The following JADE1 variants were observed in gnomAD, a reference collection of about 807,000 sequenced individuals.
The protein encoded by JADE1 is jade family PHD finger 1.
Under a neutral mutation model 81.8 loss-of-function variants are expected in JADE1, and 14 were observed. The observed-to-expected ratio is 0.17, with a 90% CI of 0.11 to 0.27. The LOEUF (loss-of-function observed/expected upper bound fraction) is 0.27, where lower values mean the gene tolerates loss of function less well. JADE1 is among the 10% of genes least tolerant of loss of function. JADE1 has a pLI of 1.00. For synonymous variants in JADE1, 353 were observed against 391.9 expected, an observed-to-expected ratio of 0.90 and a Z score of 1.17; for missense variants, 690 against 1,047.9, an observed-to-expected ratio of 0.66 and a Z score of 4.71.
intron 2 of JADE1, among the ~76,000 whole-genome samples, chr4:128,833,313 T>C (rs1194823156): frequency 6.6e-6 from 1 of 152,234 alleles, no homozygotes; most frequent in Non-Finnish European, 1.5e-5. Flanking sequence ...ATTTCTTCTC[T>C]GCCCCTGTGT....
At chr4:128,827,087 C>A (rs1728144798) in intron 1 of JADE1, among the ~76,000 whole-genome samples, 1 of 152,096 alleles carries the variant, frequency 6.6e-6, no homozygotes, top group Non-Finnish European at 1.5e-5. Context: ...GTCTCCTATC[C>A]ACCGGCCCCA....
intron 2 of JADE1, among the ~76,000 whole-genome samples, chr4:128,834,322 C>T (rs1728793876): frequency 6.6e-6 from 1 of 152,110 alleles, no homozygotes; most frequent in Admixed American, 6.5e-5. Context: ...CTTGGCCTTT[C>T]CTTTGCACAG....
chr4:128,844,908 A>T (rs1729738074), intron 3 of JADE1, among the ~76,000 whole-genome samples: 1 of 152,230 alleles, frequency 6.6e-6, no homozygotes, highest in South Asian at 2.1e-4. Context: ...CACTAGCCTG[A>T]AAAGCCACCA....
rs765181799 is a variant in JADE1 at position 128,872,215 on chromosome 4, A to G, written c.2482A>G (p.Ile828Val). 3 of 1,614,198 alleles carry G rather than the reference A, an allele frequency of 1.9e-6. No homozygotes were observed. Among genetic ancestry groups the G allele is most frequent in the South Asian group, 2.2e-5 (2 of 91,088 alleles). ...GAAATGTATACACACCAGCAGCACT[A>G]TCAGCAGAAGGACAGACATTATCAG... ...EKKCIHTSST[I>V]SRRTDIIRRS... The change falls in exon 11 of 11, where the codon ATC (isoleucine) becomes GTC (valine). Residue 828 changes from isoleucine to valine, a missense_variant. By Grantham distance (29) the Ile-to-Val change is conservative (BLOSUM62 3). Coordinates refer to ENST00000226319, the MANE Select transcript of JADE1 (RefSeq NM_199320.4).
At chr4:128,869,495 T>G (rs2125903409) in intron 10 of JADE1, among the ~76,000 whole-genome samples, 1 of 152,346 alleles carries the variant, frequency 6.6e-6, no homozygotes, top group East Asian at 1.9e-4. Context: ...GAGGGCTTTC[T>G]GCAACTCTTA....
At chr4:128,811,422 G>C (rs1239487823) in intron 1 of JADE1, 5 of 152,000 alleles carry the variant, frequency 3.3e-5, no homozygotes, top group Non-Finnish European at 7.4e-5. Flanking sequence ...GCGGCCGAGG[G>C]CGGCGGGGGA....
chr4:128,851,220 T>G (rs572080929), intron 5 of JADE1, among the ~76,000 whole-genome samples: 1 of 152,290 alleles, frequency 6.6e-6, no homozygotes, highest in East Asian at 1.9e-4. Flanking sequence ...GCGCCTGGTG[T>G]TTCAGTCTTT....
rs764547699 is a variant in JADE1 at position 128,831,820 on chromosome 4, G to C, written c.52+10G>C. The C allele has an allele frequency of 6.2e-6, 10 of 1,612,986 alleles. No individual in the cohort carries two copies. In the Admixed American group the frequency reaches 1.7e-4, roughly 27 times the overall value. Reference sequence around the variant, plus strand: ...TCTGACGACAATGGCAGTAAGTCCTGCTTTGTTGTTCTTGGAGCCTACCAG... The same window carrying C: ...TCTGACGACAATGGCAGTAAGTCCTCCTTTGTTGTTCTTGGAGCCTACCAG... On this transcript the variant is annotated intron_variant, in intron 2 of 10. Transcript: ENST00000226319.
At position 128,809,734 on chromosome 4, in the gene JADE1, C is replaced by T. The variant is rs1243921032; in HGVS notation, c.-170C>T. The T allele has an allele frequency of 2.0e-5, 3 of 152,278 alleles. No individual in the cohort carries two copies. Among genetic ancestry groups the T allele is most frequent in the African/African-American group, 4.8e-5 (2 of 41,444 alleles). 9.4% of individuals were successfully genotyped at this position (152,278 alleles called of 1,614,324 possible). Reference sequence around the variant, plus strand: ...AAGCCAAACGCCAGACCGAGAGTGCCTCCGTGCGCGAGTGCCCGGTGTGTG... The same window carrying T: ...AAGCCAAACGCCAGACCGAGAGTGCTTCCGTGCGCGAGTGCCCGGTGTGTG... On this transcript the variant is annotated 5_prime_UTR_variant, in exon 1 of 11. Coordinates refer to ENST00000226319, the MANE Select transcript of JADE1 (RefSeq NM_199320.4).
chr4:128,873,045 T>C lies in JADE1; in HGVS notation c.*783T>C, dbSNP rs1215635369. 2.3e-5 allele frequency: 9 copies of C among 389,062 alleles called. No homozygotes were observed. The highest frequency in any genetic ancestry group is 8.3e-5 in the African/African-American group (4 of 48,434). 24.1% of individuals were successfully genotyped at this position (389,062 alleles called of 1,614,324 possible). A position where few individuals can be genotyped will look rare whatever the true frequency, so the allele number is the denominator to read the frequency against. Reference sequence around the variant, plus strand: ...GAATTTTTACCAGTCCACTTGACCTTCTTCTTCCCTAACCACTGGCTCTTG... The same window carrying C: ...GAATTTTTACCAGTCCACTTGACCTCCTTCTTCCCTAACCACTGGCTCTTG... On this transcript the variant is annotated 3_prime_UTR_variant, in exon 11 of 11. Coordinates refer to ENST00000226319, the MANE Select transcript of JADE1 (RefSeq NM_199320.4).
chr4:128,833,774 A>G (rs1256705037), intron 2 of JADE1, among the ~76,000 whole-genome samples: 1 of 152,254 alleles, frequency 6.6e-6, no homozygotes, highest in Non-Finnish European at 1.5e-5. Flanking sequence ...ATAATGCCCA[A>G]TAAAAGCTTA....
At chr4:128,862,473 T>C (rs1289281784) in intron 9 of JADE1, 5 of 1,372,368 alleles carry the variant, frequency 3.6e-6, no homozygotes, top group Non-Finnish European at 4.7e-6. Flanking sequence ...CCCATTAATC[T>C]TTACTGTTTT....
chr4:128,812,831 G>A lies in JADE1; in HGVS notation c.-27+2954G>A, dbSNP rs534658907. On this transcript the variant is annotated intron_variant, in intron 1 of 10. Coordinates refer to ENST00000226319, the MANE Select transcript of JADE1 (RefSeq NM_199320.4). ...GGGCTGTCGCCCTCTATTTGCCCCG[G>A]CCAAGAGGGAATTTAAATTTTCTTT... 4.6e-5 allele frequency among the ~76,000 whole-genome samples: 7 copies of A among 152,358 alleles called. No homozygotes were observed. The East Asian group carries it at 1.3e-3, about 29-fold the overall frequency.
chr4:128,837,651 G>C (rs1225038267), intron 2 of JADE1, among the ~76,000 whole-genome samples: 1 of 152,230 alleles, frequency 6.6e-6, no homozygotes, highest in Non-Finnish European at 1.5e-5. Flanking sequence ...TACAAGGCTA[G>C]CTTGGCTTTT....
At chr4:128,839,265 T>C (rs1729231099) in intron 2 of JADE1, among the ~76,000 whole-genome samples, 3 of 152,206 alleles carry the variant, frequency 2.0e-5, no homozygotes, top group Non-Finnish European at 4.4e-5. Flanking sequence ...AAATACCTGC[T>C]CCTGGAGATG....
rs931093594 is a variant in JADE1, at chr4:128,875,107, C to A, written c.*2845C>A. On this transcript the variant is annotated 3_prime_UTR_variant, in exon 11 of 11. Coordinates refer to ENST00000226319, the MANE Select transcript of JADE1 (RefSeq NM_199320.4). The stretch of plus-strand genomic sequence containing the variant: ...CCCAATCCTGTATTTATTTCTACCC[C>A]CTTTTTGAAAGTATTTATAAAACTA... 4 of 152,260 alleles carry A rather than the reference C, an allele frequency of 2.6e-5. No individual in the cohort carries two copies. Among genetic ancestry groups the A allele is most frequent in the Non-Finnish European group, 4.4e-5 (3 of 67,968 alleles). 9.4% of individuals were successfully genotyped at this position (152,260 alleles called of 1,614,324 possible). A position where few individuals can be genotyped will look rare whatever the true frequency, so the allele number is the denominator to read the frequency against.
intron 3 of JADE1, among the ~76,000 whole-genome samples, chr4:128,844,142 C>T (rs767182948): frequency 1.4e-4 from 21 of 152,162 alleles, no homozygotes; most frequent in Non-Finnish European, 2.9e-4. Context: ...TCTGTAACCC[C>T]CAAAATACCT....
rs746734088 is a variant in JADE1, at chr4:128,846,363, C to T, written c.139-12C>T. On this transcript the variant is annotated splice_polypyrimidine_tract_variant and intron_variant, in intron 3 of 10. Coordinates refer to ENST00000226319, the MANE Select transcript of JADE1 (RefSeq NM_199320.4). The surrounding 1 kb of genome is among the most constrained non-coding windows in gnomAD (Gnocchi z 4.0). The stretch of plus-strand genomic sequence containing the variant: ...ATATCAAATGTCAGTGTCCCTTTCT[C>T]TTCCTTTCCAGGTGTTTAGGACAGA... 7 of 1,612,970 alleles carry T rather than the reference C, an allele frequency of 4.3e-6. No individual in the cohort carries two copies. In the South Asian group the frequency reaches 4.4e-5, roughly 10 times the overall value.
At chr4:128,830,651 C>G (rs1308184854) in intron 1 of JADE1, among the ~76,000 whole-genome samples, 1 of 152,200 alleles carries the variant, frequency 6.6e-6, no homozygotes, top group African/African-American at 2.4e-5. Flanking sequence ...CATACTTTTT[C>G]TCACTTGAAA....
Sources: gnomAD v4.1 joint callset for allele counts (sites outside exome capture counted in the v4.1 genomes callset) on GRCh38, gnomAD v4.1.1 for gene constraint, Gnocchi (gnomAD v3.1) non-coding constraint, MANE v1.5 for transcripts, NCBI Gene and HGNC (gene_info 2026-07-23, HGNC 2026-07-21) for gene names.